The following UNC5D variants were observed in gnomAD, a reference collection of about 807,000 sequenced individuals.
UNC5D encodes the protein netrin receptor UNC5D.
Under a neutral mutation model 105.4 loss-of-function variants are expected in UNC5D, and 39 were observed. That is an observed-to-expected ratio of 0.37 (90% confidence interval 0.29 to 0.48). The LOEUF (loss-of-function observed/expected upper bound fraction) is 0.48, where lower values mean the gene tolerates loss of function less well. UNC5D is among the 20% of genes least tolerant of loss of function. UNC5D has a pLI of 0.98. For missense variants in UNC5D, 991 were observed against 1,202.4 expected, an observed-to-expected ratio of 0.82 and a Z score of 2.60; for synonymous variants, 452 against 450.4, an observed-to-expected ratio of 1.00 and a Z score of -0.04.
intron 1 of UNC5D, among the ~76,000 whole-genome samples, chr8:35,265,645 C>T (rs137860957): frequency 5.9e-4 from 89 of 152,056 alleles, no homozygotes; most frequent in African/African-American, 2.0e-3. Context: ...CCGATGTGGG[C>T]GGATCACCAG....
At chr8:35,313,279 G>A (rs1315455237) in intron 1 of UNC5D, among the ~76,000 whole-genome samples, 2 of 152,050 alleles carry the variant, frequency 1.3e-5, no homozygotes, top group Non-Finnish European at 2.9e-5. Context: ...TAGTCATTTG[G>A]TGGAGTGTGT....
chr8:35,625,253 C>T (rs757021750), intron 4 of UNC5D, among the ~76,000 whole-genome samples: 2 of 152,028 alleles, frequency 1.3e-5, no homozygotes, highest in African/African-American at 2.4e-5. Context: ...GTTAGAAATG[C>T]GCCTTATAGG....
intron 1 of UNC5D, among the ~76,000 whole-genome samples, chr8:35,340,509 C>T (rs1164226268): frequency 6.6e-6 from 1 of 152,130 alleles, no homozygotes; most frequent in Admixed American, 6.6e-5. Context: ...TGGATGAAAA[C>T]ATTGGAGAAA....
At chr8:35,765,102 A>G (rs1473424198) in intron 14 of UNC5D, among the ~76,000 whole-genome samples, 2 of 152,242 alleles carry the variant, frequency 1.3e-5, no homozygotes, top group Non-Finnish European at 2.9e-5. Context: ...AAGCCCCTGC[A>G]CACCTTTCTT....
chr8:35,636,052 A>G (rs957049615), intron 4 of UNC5D, among the ~76,000 whole-genome samples: 2 of 152,194 alleles, frequency 1.3e-5, no homozygotes, highest in Non-Finnish European at 2.9e-5. Context: ...GGGCCATACA[A>G]TGGCACAACC....
chr8:35,622,355 CAAACAAACA>C (rs1334811847), intron 4 of UNC5D, among the ~76,000 whole-genome samples: 1 of 151,882 alleles, frequency 6.6e-6, no homozygotes, highest in East Asian at 1.9e-4. Flanking sequence ...AACAAACAAA[CAAACAAACA>C]AAACAAACAA....
intron 1 of UNC5D, among the ~76,000 whole-genome samples, chr8:35,262,101 C>G (rs1245572083): frequency 1.3e-5 from 2 of 152,136 alleles, no homozygotes; most frequent in African/African-American, 2.4e-5. Context: ...TGTACATGCT[C>G]ACTAAATTTT....
chr8:35,694,968 T>C (rs896919035), intron 7 of UNC5D, among the ~76,000 whole-genome samples: 1 of 152,206 alleles, frequency 6.6e-6, no homozygotes, highest in Non-Finnish European at 1.5e-5. Context: ...TGAGATACTT[T>C]CTATGTTTCA....
chr8:35,781,269 C>T (rs887997761), intron 16 of UNC5D, among the ~76,000 whole-genome samples: 1 of 152,122 alleles, frequency 6.6e-6, no homozygotes, highest in African/African-American at 2.4e-5. Flanking sequence ...CTCTGGGACA[C>T]GTTTAGCCAT....
chr8:35,720,623 A>G (rs1828523787), intron 8 of UNC5D, among the ~76,000 whole-genome samples: 1 of 152,118 alleles, frequency 6.6e-6, no homozygotes, highest in Non-Finnish European at 1.5e-5. Context: ...CCTTCTTACC[A>G]CACATGACAG....
At chr8:35,748,174 G>A (rs2131632004) in intron 11 of UNC5D, among the ~76,000 whole-genome samples, 1 of 152,252 alleles carries the variant, frequency 6.6e-6, no homozygotes, top group Admixed American at 6.5e-5. Flanking sequence ...TAAAGTTTTT[G>A]TTTGCTCATT....
intron 16 of UNC5D, among the ~76,000 whole-genome samples, chr8:35,781,343 C>CT: frequency 6.6e-6 from 1 of 152,246 alleles, no homozygotes; most frequent in Admixed American, 6.5e-5. Context: ...GGAAAATAAG[C>CT]TTTTTATGTT....
At chr8:35,245,013 CA>C (rs1803003575) in intron 1 of UNC5D, among the ~76,000 whole-genome samples, 1 of 151,864 alleles carries the variant, frequency 6.6e-6, no homozygotes, top group Admixed American at 6.6e-5. Context: ...CCTGTCCCTC[CA>C]AAAAAATTAA....
chr8:35,781,005 C>G (rs1428998503), intron 16 of UNC5D, among the ~76,000 whole-genome samples: 1 of 152,178 alleles, frequency 6.6e-6, no homozygotes, highest in Non-Finnish European at 1.5e-5. Flanking sequence ...AACCAGATGA[C>G]TCTTCTAAGA....
chr8:35,507,075 A>G (rs1227191843), intron 1 of UNC5D, among the ~76,000 whole-genome samples: 1 of 34,906 alleles, frequency 2.9e-5, no homozygotes, highest in Non-Finnish European at 5.3e-5. Context: ...TTTTTTTTTG[A>G]GACGGAGTCT....
intron 1 of UNC5D, among the ~76,000 whole-genome samples, chr8:35,257,526 A>G (rs1245955529): frequency 2.0e-5 from 3 of 152,192 alleles, no homozygotes; most frequent in East Asian, 1.9e-4. Context: ...TTAAAATTGC[A>G]ATAGTAATAC....
rs1292819990 is a variant in UNC5D, at chr8:35,795,053, A to T, written c.*4490A>T. The T allele has an allele frequency of 6.6e-6, 1 of 152,156 alleles. No homozygotes were observed. The highest frequency in any genetic ancestry group is 2.4e-5 in the African/African-American group (1 of 41,428). 9.4% of individuals were successfully genotyped at this position (152,156 alleles called of 1,614,324 possible). A position where few individuals can be genotyped will look rare whatever the true frequency, so the allele number is the denominator to read the frequency against. On this transcript the variant is annotated 3_prime_UTR_variant, in exon 17 of 17. Transcript: ENST00000404895. Reference sequence around the variant, plus strand: ...CGTGAGGTGGACCTAAGGCAGTAACATTTAAACTTCATGTCCTAGCACCCG... The same window carrying T: ...CGTGAGGTGGACCTAAGGCAGTAACTTTTAAACTTCATGTCCTAGCACCCG...
At chr8:35,499,729 A>G (rs1268341082) in intron 1 of UNC5D, among the ~76,000 whole-genome samples, 2 of 152,330 alleles carry the variant, frequency 1.3e-5, no homozygotes, top group South Asian at 2.1e-4. Context: ...TATAAGCAGC[A>G]TGGAACAGAC....
chr8:35,498,663 C>A (rs905643000), intron 1 of UNC5D, among the ~76,000 whole-genome samples: 1 of 152,074 alleles, frequency 6.6e-6, no homozygotes, highest in Non-Finnish European at 1.5e-5. Context: ...CATATTGATA[C>A]ATTTGGATGG....
Sources: allele counts gnomAD v4.1 joint callset (sites outside exome capture counted in the v4.1 genomes callset), GRCh38; gene constraint gnomAD v4.1.1; transcripts MANE v1.5; gene names NCBI Gene and HGNC (gene_info 2026-07-23, HGNC 2026-07-21).